The following THSD7B variants were observed in gnomAD, a reference collection of about 807,000 sequenced individuals.
THSD7B encodes thrombospondin type-1 domain-containing protein 7B.
In THSD7B, 138 loss-of-function variants were observed where a neutral mutation model predicts 213.6. The ratio of observed to expected loss-of-function variants is 0.65; its 90% CI spans 0.56 to 0.74. The LOEUF is 0.74. Among genes scored for constraint, THSD7B ranks in the 30% least tolerant of loss-of-function variants. THSD7B has a pLI of 0.00. For missense variants in THSD7B, 1,931 were observed against 1,991.5 expected (o/e 0.97, Z 0.58); for synonymous variants, 742 against 687.0 (o/e 1.08, Z -1.25).
intron 2 of THSD7B, among the ~76,000 whole-genome samples, chr2:136,995,046 G>C (rs193250053): frequency 1.8e-4 from 28 of 152,284 alleles, no homozygotes; most frequent in African/African-American, 6.7e-4. Flanking sequence ...TCTAAAAGTG[G>C]AGCTAAATTT....
At chr2:136,940,079 G>C (rs373505494) in intron 2 of THSD7B, among the ~76,000 whole-genome samples, 1 of 152,020 alleles carries the variant, frequency 6.6e-6, no homozygotes, top group Non-Finnish European at 1.5e-5. Context: ...TTTAACATTT[G>C]TATAATGGTA....
chr2:137,606,828 A>G (rs907151919), intron 17 of THSD7B, among the ~76,000 whole-genome samples: 7 of 152,116 alleles, frequency 4.6e-5, no homozygotes, highest in African/African-American at 1.7e-4. Flanking sequence ...GGAAAGAGAG[A>G]GAAAGTGAAA....
chr2:137,165,527 G>C (rs993072440), intron 6 of THSD7B, among the ~76,000 whole-genome samples: 6 of 152,048 alleles, frequency 3.9e-5, no homozygotes, highest in Non-Finnish European at 5.9e-5. Flanking sequence ...TGATTCTACT[G>C]TGAGTAGAAT....
At chr2:137,005,025 A>G (rs545062408) in intron 2 of THSD7B, among the ~76,000 whole-genome samples, 10 of 152,354 alleles carry the variant, frequency 6.6e-5, no homozygotes, top group African/African-American at 1.9e-4. Context: ...TAATTTTATA[A>G]AACAAACATA....
Position 137,437,432 on chromosome 2 carries a change from T to C in THSD7B, c.2960-13413T>C, listed in dbSNP as rs138909930. Among the ~76,000 whole-genome samples, 1,355 of 152,280 alleles carry C rather than the reference T, an allele frequency of 8.9e-3. 16 individuals carry two copies. Among genetic ancestry groups the C allele is most frequent in the African/African-American group, 0.031 (1,287 of 41,566 alleles). ...TAGAGAAATTCCTATAAAGCTAAGATGATTGTGAAGAACAGGAGGCAAAAC... is the reference window on the plus strand; with the variant it reads ...TAGAGAAATTCCTATAAAGCTAAGACGATTGTGAAGAACAGGAGGCAAAAC... On this transcript the variant is annotated intron_variant, in intron 14 of 27. Coordinates refer to ENST00000409968, the MANE Select transcript of THSD7B (RefSeq NM_001316349.2).
chr2:136,873,375 C>T (rs1170078057), intron 1 of THSD7B, among the ~76,000 whole-genome samples: 1 of 152,176 alleles, frequency 6.6e-6, no homozygotes, highest in African/African-American at 2.4e-5. Flanking sequence ...ATGCTGAGGT[C>T]TGCAGAGTGA....
chr2:137,643,115 C>T (rs10178306), intron 21 of THSD7B, among the ~76,000 whole-genome samples: 54,995 of 152,024 alleles, frequency 0.36, 10,322 homozygotes, highest in South Asian at 0.49. Flanking sequence ...GAACCATGGT[C>T]ACTACATTTT....
At chr2:137,045,375 C>A (rs150688726) in intron 2 of THSD7B, among the ~76,000 whole-genome samples, 2 of 152,262 alleles carry the variant, frequency 1.3e-5, no homozygotes, top group Non-Finnish European at 2.9e-5. Flanking sequence ...ACCCAGAGGG[C>A]TGCTAAGTGA....
intron 1 of THSD7B, among the ~76,000 whole-genome samples, chr2:136,813,510 T>C (rs945553212): frequency 6.6e-6 from 1 of 151,244 alleles, no homozygotes; most frequent in African/African-American, 2.5e-5. Context: ...TACACTGATA[T>C]TAGTTTGGAG....
At chr2:137,538,442 C>A (rs1444061892) in intron 15 of THSD7B, 2 of 499,150 alleles carry the variant, frequency 4.0e-6, no homozygotes, top group South Asian at 1.5e-5. Flanking sequence ...ATATAATTTT[C>A]TTTCCCTTTT....
chr2:137,012,126 T>A (rs1243858670), intron 2 of THSD7B, among the ~76,000 whole-genome samples: 3 of 152,154 alleles, frequency 2.0e-5, no homozygotes, highest in Non-Finnish European at 2.9e-5. Context: ...CAACAATCAA[T>A]CATTTTGGAA....
intron 2 of THSD7B, among the ~76,000 whole-genome samples, chr2:137,000,183 G>T (rs1685975183): frequency 6.6e-6 from 1 of 152,114 alleles, no homozygotes; most frequent in African/African-American, 2.4e-5. Context: ...ATTATGCTCT[G>T]AAATTTACAA....
At chr2:137,139,395 G>T (rs1558935324) in intron 5 of THSD7B, among the ~76,000 whole-genome samples, 1 of 152,114 alleles carries the variant, frequency 6.6e-6, no homozygotes, top group Non-Finnish European at 1.5e-5. Flanking sequence ...GGATCTAGAA[G>T]AACACATTTC....
At chr2:137,565,807 C>A (rs1681226269) in intron 16 of THSD7B, among the ~76,000 whole-genome samples, 1 of 152,112 alleles carries the variant, frequency 6.6e-6, no homozygotes, top group Admixed American at 6.6e-5. Flanking sequence ...AGCCACCAGT[C>A]TCATCATGGT....
At chr2:137,093,896 T>A (rs529341819) in intron 3 of THSD7B, among the ~76,000 whole-genome samples, 2 of 152,236 alleles carry the variant, frequency 1.3e-5, no homozygotes, top group Non-Finnish European at 2.9e-5. Flanking sequence ...TATCTCCTAA[T>A]GCCACATTAT....
intron 12 of THSD7B, among the ~76,000 whole-genome samples, chr2:137,358,471 G>A (rs995712196): frequency 1.2e-4 from 18 of 152,132 alleles, no homozygotes; most frequent in African/African-American, 3.9e-4. Context: ...TCAGAGGACC[G>A]AAAAAAATTT....
chr2:137,487,736 C>CCAATCAATAGCTGAATA (rs1688496929), intron 15 of THSD7B, among the ~76,000 whole-genome samples: 19 of 13,320 alleles, frequency 1.4e-3, no homozygotes, highest in South Asian at 5.0e-3. Context: ...AGGTTTCTTT[C>CCAATCAATAGCTGAATA]TTTTTTTTTT....
intron 14 of THSD7B, among the ~76,000 whole-genome samples, chr2:137,446,279 G>A (rs567711237): frequency 6.6e-6 from 1 of 152,132 alleles, no homozygotes; most frequent in African/African-American, 2.4e-5. Context: ...TGCACATAAG[G>A]TAATATTCTG....
intron 3 of THSD7B, among the ~76,000 whole-genome samples, chr2:137,080,968 T>C (rs1227753084): frequency 6.6e-6 from 1 of 152,188 alleles, no homozygotes; most frequent in Non-Finnish European, 1.5e-5. Flanking sequence ...TCAAATCTGT[T>C]TGAAGAACAG....
Sources: allele counts gnomAD v4.1 joint callset (sites outside exome capture counted in the v4.1 genomes callset), GRCh38; gene constraint gnomAD v4.1.1; transcripts MANE v1.5; gene names NCBI Gene and HGNC (gene_info 2026-07-23, HGNC 2026-07-21).